The following NRXN3 variants were observed in gnomAD, a reference collection of about 807,000 sequenced individuals.
The protein encoded by NRXN3 is neurexin 3, also known as neurexin III.
Under a neutral mutation model 137.6 loss-of-function variants are expected in NRXN3, and 32 were observed. The observed-to-expected ratio is 0.23, with a 90% confidence interval of 0.18 to 0.31. The LOEUF is 0.31. Among genes scored for constraint, NRXN3 ranks in the 10% least tolerant of loss-of-function variants. The probability of loss-of-function intolerance (pLI) is 1.00; values close to 1 mark genes in which losing one functional copy is unlikely to be tolerated. For missense variants in NRXN3, 1,574 were observed against 2,062.5 expected (o/e 0.76, Z 4.59); for synonymous variants, 798 against 784.5 (o/e 1.02, Z -0.29).
intron 15 of NRXN3, among the ~76,000 whole-genome samples, chr14:79,156,886 G>T (rs1386319535): frequency 1.3e-5 from 2 of 151,674 alleles, no homozygotes; most frequent in African/African-American, 4.8e-5. Context: ...CTTCTTCATT[G>T]TGAATGGCTG....
At chr14:79,533,506 T>C (rs557340215) in intron 16 of NRXN3, among the ~76,000 whole-genome samples, 1 of 152,260 alleles carries the variant, frequency 6.6e-6, no homozygotes, top group Non-Finnish European at 1.5e-5. Context: ...CCTTTTTTGG[T>C]AGTGAAAATT....
At chr14:79,472,732 C>T (rs778910613) in intron 16 of NRXN3, among the ~76,000 whole-genome samples, 11 of 152,146 alleles carry the variant, frequency 7.2e-5, no homozygotes, top group Non-Finnish European at 1.2e-4. Flanking sequence ...GCCTATTGAC[C>T]CCACATCTAG....
chr14:78,222,367 G>C (rs1207750303), intron 1 of NRXN3, among the ~76,000 whole-genome samples: 1 of 152,122 alleles, frequency 6.6e-6, no homozygotes, highest in South Asian at 2.1e-4. Flanking sequence ...GCTGCTAGAA[G>C]AGCGTGGGCT....
intron 16 of NRXN3, among the ~76,000 whole-genome samples, chr14:79,483,035 T>C (rs1157410178): frequency 6.6e-6 from 1 of 152,194 alleles, no homozygotes; most frequent in African/African-American, 2.4e-5. Flanking sequence ...ATTAAACACA[T>C]GCAAACATTG....
rs386381910 is a variant in NRXN3 at position 78,532,150 on chromosome 14, C to CAA, written c.758-112955_758-112954dup. ...AGAAACCCCATCTTTACTAAAAATACAAAAAAAAAAAAAAAATAGCCAAGT... is the reference window on the plus strand; with the variant it reads ...AGAAACCCCATCTTTACTAAAAATACAAAAAAAAAAAAAAAAAATAGCCAAGT... On this transcript the variant is annotated intron_variant, in intron 4 of 20. Coordinates refer to ENST00000335750, the MANE Select transcript of NRXN3 (RefSeq NM_001330195.2). Among the ~76,000 whole-genome samples, 305 of 121,316 alleles carry CAA rather than the reference C, an allele frequency of 2.5e-3. 3 individuals are homozygous for CAA. The highest frequency in any genetic ancestry group is 0.014 in the South Asian group (51 of 3,708). 79.6% of individuals were successfully genotyped at this position (121,316 alleles called of 152,430 possible).
chr14:79,662,293 C>T (rs1219507956), intron 16 of NRXN3, among the ~76,000 whole-genome samples: 1 of 152,126 alleles, frequency 6.6e-6, no homozygotes, highest in Non-Finnish European at 1.5e-5. Context: ...CAAGATGTCT[C>T]CCTTCTGTCC....
intron 6 of NRXN3, among the ~76,000 whole-genome samples, chr14:78,661,966 T>G (rs2097845707): frequency 6.6e-6 from 1 of 151,338 alleles, no homozygotes. Context: ...CTCGGCTCAC[T>G]GCACCCTCCA....
chr14:79,194,454 C>T (rs2064863583), intron 15 of NRXN3, among the ~76,000 whole-genome samples: 1 of 152,182 alleles, frequency 6.6e-6, no homozygotes, highest in African/African-American at 2.4e-5. Context: ...AAGAGCAATT[C>T]TGCTTCTGGA....
chr14:79,677,912 G>A (rs763289287), intron 17 of NRXN3, among the ~76,000 whole-genome samples: 2 of 152,082 alleles, frequency 1.3e-5, no homozygotes, highest in African/African-American at 2.4e-5. Flanking sequence ...TGAGATAGTG[G>A]TTGTAGGTAT....
At chr14:79,843,303 C>T (rs2099360062) in intron 20 of NRXN3, among the ~76,000 whole-genome samples, 1 of 152,116 alleles carries the variant, frequency 6.6e-6, no homozygotes, top group African/African-American at 2.4e-5. Context: ...AGCACTATAT[C>T]TTTTAAAAAA....
At chr14:79,287,749 C>A (rs1456300735) in intron 15 of NRXN3, among the ~76,000 whole-genome samples, 1 of 152,158 alleles carries the variant, frequency 6.6e-6, no homozygotes, top group Non-Finnish European at 1.5e-5. Flanking sequence ...TCTCCCTGAC[C>A]AGCTCTGTAA....
chr14:78,895,379 T>G (rs911055277), intron 10 of NRXN3, among the ~76,000 whole-genome samples: 3 of 151,852 alleles, frequency 2.0e-5, no homozygotes, highest in African/African-American at 7.2e-5. Context: ...TCTTCTAGCT[T>G]TAAACTTTTT....
intron 15 of NRXN3, among the ~76,000 whole-genome samples, chr14:79,015,091 TG>T (rs2099577121): frequency 6.6e-6 from 1 of 152,098 alleles, no homozygotes; most frequent in Non-Finnish European, 1.5e-5. Flanking sequence ...TGGTGACAGA[TG>T]TTCCTCTTGG....
chr14:79,540,650 G>C (rs2097263663), intron 16 of NRXN3, among the ~76,000 whole-genome samples: 1 of 152,112 alleles, frequency 6.6e-6, no homozygotes, highest in Non-Finnish European at 1.5e-5. Flanking sequence ...AAATAGCCTG[G>C]ATCAAGGAAA....
intron 15 of NRXN3, among the ~76,000 whole-genome samples, chr14:79,034,407 G>A (rs1176498250): frequency 7.8e-6 from 1 of 127,398 alleles, no homozygotes; most frequent in African/African-American, 3.1e-5. Context: ...CATGTTAAGA[G>A]AAGACATTTA....
intron 15 of NRXN3, among the ~76,000 whole-genome samples, chr14:79,322,378 T>G: frequency 6.6e-6 from 1 of 152,140 alleles, no homozygotes; most frequent in Admixed American, 6.5e-5. Context: ...CATTTACGGA[T>G]GGCACAGATA....
At chr14:78,501,115 G>T (rs2095869970) in intron 4 of NRXN3, among the ~76,000 whole-genome samples, 1 of 152,062 alleles carries the variant, frequency 6.6e-6, no homozygotes, top group Non-Finnish European at 1.5e-5. Flanking sequence ...GTTATCTATG[G>T]CTGCATAACA....
chr14:78,958,547 G>A (rs1219156692), intron 11 of NRXN3, among the ~76,000 whole-genome samples: 1 of 151,970 alleles, frequency 6.6e-6, no homozygotes, highest in Admixed American at 6.6e-5. Context: ...AGTAGAGATG[G>A]CGTTTCACCG....
At chr14:79,070,235 C>T (rs374007398) in intron 15 of NRXN3, among the ~76,000 whole-genome samples, 1 of 152,274 alleles carries the variant, frequency 6.6e-6, no homozygotes, top group East Asian at 1.9e-4. Flanking sequence ...ACAAACACAA[C>T]TCTATGTGAT....
Sources: allele counts gnomAD v4.1 joint callset (sites outside exome capture counted in the v4.1 genomes callset), GRCh38; gene constraint gnomAD v4.1.1; transcripts MANE v1.5; gene names NCBI Gene and HGNC (gene_info 2026-07-23, HGNC 2026-07-21).